HPGDS: variants seen among roughly 807,000 people sequenced by gnomAD.
The protein encoded by HPGDS is GST class-sigma.
HPGDS carries 26 observed loss-of-function variants against 23.1 expected under a neutral mutation model. That is an observed-to-expected ratio of 1.13 (90% CI 0.83 to 1.56). The LOEUF (loss-of-function observed/expected upper bound fraction) is 1.56. Among genes scored for constraint, HPGDS ranks in the 40% most tolerant of loss-of-function variants. The pLI is 0.00. For synonymous variants in HPGDS, 95 were observed against 77.9 expected, an observed-to-expected ratio of 1.22 and a Z score of -1.16; for missense variants, 268 against 236.4, an observed-to-expected ratio of 1.13 and a Z score of -0.88.
rs1338463466 is a variant in HPGDS at position 94,298,962 on chromosome 4, A to G, written c.*518T>C. Reference sequence around the variant, plus strand: ...ACTGGGCCACAAGCAGGCAATAGCAATACAACTACACACTTTGCTATCTAT... The same window carrying G: ...ACTGGGCCACAAGCAGGCAATAGCAGTACAACTACACACTTTGCTATCTAT... On this transcript the variant is annotated 3_prime_UTR_variant, in exon 6 of 6. Coordinates refer to ENST00000295256, the MANE Select transcript of HPGDS (RefSeq NM_014485.3). 6.6e-6 allele frequency: 1 copy of G among 152,344 alleles called. No individual in the cohort carries two copies. The highest frequency in any genetic ancestry group is 6.5e-5 in the Admixed American group (1 of 15,290). 9.4% of individuals were successfully genotyped at this position (152,344 alleles called of 1,614,324 possible).
intron 5 of HPGDS, 78 bp downstream of exon 5, chr4:94,302,068 T>G: frequency 9.5e-7 from 1 of 1,057,396 alleles, no homozygotes; most frequent in Non-Finnish European, 1.4e-6. Flanking sequence ...TAGGTAACTT[T>G]TTTTCAGTAA....
chr4:94,322,608 A>G (rs1756537485), intron 2 of HPGDS, among the ~76,000 whole-genome samples: 2 of 151,970 alleles, frequency 1.3e-5, no homozygotes, highest in African/African-American at 2.4e-5. Context: ...CGGTGGTGAT[A>G]TCCCCTTTAT....
intron 2 of HPGDS, among the ~76,000 whole-genome samples, chr4:94,319,063 G>A (rs1041803562): frequency 5.3e-5 from 8 of 152,016 alleles, no homozygotes; most frequent in Non-Finnish European, 7.4e-5. Flanking sequence ...GGTCTCTAGC[G>A]CAGATTCAGC....
At chr4:94,326,708 CT>C (rs961591191) in intron 2 of HPGDS, among the ~76,000 whole-genome samples, 48 of 151,940 alleles carry the variant, frequency 3.2e-4, no homozygotes, top group African/African-American at 1.1e-3. Context: ...CATGTATTTC[CT>C]TTTTTATGGA....
chr4:94,299,355 T>A lies in HPGDS; in HGVS notation c.*125A>T. The stretch of plus-strand genomic sequence containing the variant: ...TCCTTTTTAAAAATCAGAATATGGC[T>A]AAAGTGAAAATCTTAGTGGAGCTGG... On this transcript the variant is annotated 3_prime_UTR_variant, in exon 6 of 6. Coordinates refer to ENST00000295256, the MANE Select transcript of HPGDS (RefSeq NM_014485.3). 1.3e-6 allele frequency: 1 copy of A among 793,076 alleles called. No individual in the cohort carries two copies. Among genetic ancestry groups the A allele is most frequent in the Non-Finnish European group, 1.9e-6 (1 of 521,186 alleles). 49.1% of individuals were successfully genotyped at this position (793,076 alleles called of 1,614,324 possible). A position where few individuals can be genotyped will look rare whatever the true frequency, so the allele number is the denominator to read the frequency against.
intron 1 of HPGDS, among the ~76,000 whole-genome samples, chr4:94,338,186 G>A (rs906420104): frequency 6.6e-6 from 1 of 152,190 alleles, no homozygotes; most frequent in Non-Finnish European, 1.5e-5. Context: ...CACTTTGGGA[G>A]GCCGAGGCGG....
chr4:94,326,903 T>C (rs935622539), intron 2 of HPGDS, among the ~76,000 whole-genome samples: 1 of 152,016 alleles, frequency 6.6e-6, no homozygotes, highest in Non-Finnish European at 1.5e-5. Flanking sequence ...GTTGGTTGGG[T>C]AGGGTACTTT....
rs1019092156 is a variant in HPGDS at position 94,309,848 on chromosome 4, T to C, written c.227-1105A>G. Among the ~76,000 whole-genome samples the C allele has an allele frequency of 6.6e-5, 10 of 152,282 alleles. No individual in the cohort carries two copies. The South Asian group carries it at 1.0e-3, about 16-fold the overall frequency. ...TAACTGGTGTGAGATGGTATCTCATTGTGGTTTTGATTTACATTTCTCTGA... is the reference window on the plus strand; with the variant it reads ...TAACTGGTGTGAGATGGTATCTCATCGTGGTTTTGATTTACATTTCTCTGA... On this transcript the variant is annotated intron_variant, in intron 3 of 5. Coordinates refer to ENST00000295256, the MANE Select transcript of HPGDS (RefSeq NM_014485.3).
At chr4:94,309,817 C>A (rs999259058) in intron 3 of HPGDS, among the ~76,000 whole-genome samples, 1 of 151,988 alleles carries the variant, frequency 6.6e-6, no homozygotes, top group Non-Finnish European at 1.5e-5. Flanking sequence ...TTAATGATCG[C>A]CATTCTAACT....
chr4:94,324,586 C>A (rs1210376744), intron 2 of HPGDS, among the ~76,000 whole-genome samples: 1 of 152,168 alleles, frequency 6.6e-6, no homozygotes, highest in South Asian at 2.1e-4. Context: ...ATGATGTTCT[C>A]ATCCCATGGT....
intron 4 of HPGDS, among the ~76,000 whole-genome samples, chr4:94,307,586 C>T (rs2126036038): frequency 6.6e-6 from 1 of 152,198 alleles, no homozygotes; most frequent in East Asian, 1.9e-4. Flanking sequence ...GGAATAACAG[C>T]AAAGGGAATT....
intron 2 of HPGDS, among the ~76,000 whole-genome samples, chr4:94,320,503 T>G (rs1316373796): frequency 1.3e-5 from 2 of 152,348 alleles, no homozygotes; most frequent in East Asian, 3.9e-4. Context: ...TGCATTTCTG[T>G]GATGACCAGT....
intron 2 of HPGDS, among the ~76,000 whole-genome samples, chr4:94,321,183 A>G (rs1260577799): frequency 6.6e-6 from 1 of 152,144 alleles, no homozygotes; most frequent in African/African-American, 2.4e-5. Flanking sequence ...GTATAGTTTG[A>G]AGTCAGGTAG....
intron 2 of HPGDS, among the ~76,000 whole-genome samples, chr4:94,331,839 T>G (rs1386743809): frequency 6.6e-6 from 1 of 152,264 alleles, no homozygotes; most frequent in East Asian, 1.9e-4. Context: ...CTTCTTCACA[T>G]TGATAGAGGC....
chr4:94,329,076 C>A (rs907978276), intron 2 of HPGDS, among the ~76,000 whole-genome samples: 1 of 152,048 alleles, frequency 6.6e-6, no homozygotes, highest in Non-Finnish European at 1.5e-5. Flanking sequence ...AGTTGGGATG[C>A]CTTATTTGAA....
chr4:94,318,414 G>A (rs1756438226), intron 2 of HPGDS, among the ~76,000 whole-genome samples: 1 of 151,794 alleles, frequency 6.6e-6, no homozygotes, highest in South Asian at 2.1e-4. Context: ...CATACTATGG[G>A]GTACATGGTA....
chr4:94,329,957 C>G (rs913499920), intron 2 of HPGDS, among the ~76,000 whole-genome samples: 1 of 152,134 alleles, frequency 6.6e-6, no homozygotes, highest in African/African-American at 2.4e-5. Flanking sequence ...GGTAAAATGT[C>G]TTACAATGAT....
intron 3 of HPGDS, 73 bp downstream of exon 3, chr4:94,317,800 T>C: frequency 1.2e-6 from 1 of 867,978 alleles, no homozygotes; most frequent in Non-Finnish European, 1.9e-6. Flanking sequence ...GCTAAAGTCA[T>C]TTAATGAATA....
intron 2 of HPGDS, among the ~76,000 whole-genome samples, chr4:94,327,200 C>G (rs1756647741): frequency 6.6e-6 from 1 of 151,988 alleles, no homozygotes; most frequent in Admixed American, 6.6e-5. Flanking sequence ...CTTGTGAGTC[C>G]CAATGACAGT....
Sources: allele counts gnomAD v4.1 joint callset (sites outside exome capture counted in the v4.1 genomes callset), GRCh38; gene constraint gnomAD v4.1.1; transcripts MANE v1.5; gene names NCBI Gene and HGNC (gene_info 2026-07-23, HGNC 2026-07-21).